The following DST variants were observed in gnomAD, a reference collection of about 807,000 sequenced individuals.
The protein encoded by DST is dystonin.
In DST, 253 loss-of-function variants were observed where a neutral mutation model predicts 875.2. The ratio of observed to expected loss-of-function variants is 0.29; its 90% confidence interval spans 0.26 to 0.32. The LOEUF is 0.32. DST is among the 10% of genes least tolerant of loss of function. DST has a pLI of 1.00. For synonymous variants in DST, 3,124 were observed against 3,197.1 expected (o/e 0.98, Z 0.77); for missense variants, 8,287 against 9,111.6 (o/e 0.91, Z 3.68).
rs368721444 is a variant in DST, at chr6:56,504,892, G to C, written c.19465-794C>G. 8.6e-5 allele frequency among the ~76,000 whole-genome samples: 13 copies of C among 152,012 alleles called. No individual in the cohort carries two copies. The East Asian group carries it at 2.3e-3, about 27-fold the overall frequency. Reference sequence around the variant, plus strand: ...AAAAGAAAAAAAAATTGTAGATGGGGTACTTCAGCTCTTGTTTTGACAGGA... The same window carrying C: ...AAAAGAAAAAAAAATTGTAGATGGGCTACTTCAGCTCTTGTTTTGACAGGA... On this transcript the variant is annotated intron_variant, in intron 77 of 103. Coordinates refer to ENST00000680361, the MANE Select transcript of DST (RefSeq NM_001374736.1).
chr6:56,554,086 T>C (rs1159262610), intron 60 of DST, among the ~76,000 whole-genome samples: 2 of 132,402 alleles, frequency 1.5e-5, no homozygotes, highest in Non-Finnish European at 3.2e-5. Context: ...TTTTTTTTTT[T>C]TTTTTTTTTT....
intron 38 of DST, 75 bp downstream of exon 38, chr6:56,611,433 C>T: frequency 2.1e-6 from 2 of 966,828 alleles, no homozygotes; most frequent in Non-Finnish European, 3.3e-6. Flanking sequence ...TTAAAATTTA[C>T]CACCTCTGTT....
At chr6:56,462,984 T>A in intron 102 of DST, 62 bp downstream of exon 102, 1 of 912,700 alleles carries the variant, frequency 1.1e-6, no homozygotes, top group South Asian at 1.6e-5. Flanking sequence ...GCAACGATGT[T>A]AGTGAGTGAT....
chr6:56,532,821 C>A (rs746990657), intron 63 of DST, among the ~76,000 whole-genome samples: 23 of 152,196 alleles, frequency 1.5e-4, no homozygotes, highest in Non-Finnish European at 2.9e-4. Context: ...TCCAATGAAT[C>A]ATGAAAAAAG....
In DST at chr6:56,606,121, T is replaced by C. The variant is rs755521830; in HGVS notation, c.8507A>G (p.Asp2836Gly). Residue 2836 changes from aspartate to glycine, a missense_variant, in exon 40 of 104, where the codon GAT becomes GGT. Physicochemically the swap from Asp to Gly is moderately conservative, Grantham distance 94. Transcript: ENST00000680361. ...TAAAATAGAGGCACACAACTGGATA[T>C]CCATATCTTCAGCCACATTTTGGCA... ...PRCQNVAEDM[D>G]IQLCASILNE... The C allele has an allele frequency of 6.2e-7, 1 of 1,612,896 alleles. No individual in the cohort carries two copies. Among genetic ancestry groups the C allele is most frequent in the South Asian group, 1.1e-5 (1 of 91,032 alleles).
chr6:56,570,720 T>G (rs1267684974), intron 53 of DST, among the ~76,000 whole-genome samples: 3 of 152,148 alleles, frequency 2.0e-5, no homozygotes, highest in Non-Finnish European at 2.9e-5. Context: ...TCAGGCAAGG[T>G]TCATTGATAA....
Position 56,554,070 on chromosome 6 carries a change from T to C in DST, c.15137-415A>G, listed in dbSNP as rs547456701. Among the ~76,000 whole-genome samples the C allele has an allele frequency of 1.6e-3, 241 of 146,492 alleles. 2 individuals carry two copies. The highest frequency in any genetic ancestry group is 5.6e-3 in the African/African-American group (221 of 39,408). ...ATTAAATATGACTTTTTCGCGTCTA[T>C]GACTTTTTTTTTTTTTTTTTTTTTT... On this transcript the variant is annotated intron_variant, in intron 60 of 103. Transcript: ENST00000680361.
intron 3 of DST, among the ~76,000 whole-genome samples, chr6:56,894,388 G>T: frequency 1.1e-5 from 1 of 93,612 alleles, no homozygotes; most frequent in South Asian, 2.9e-4. Flanking sequence ...GGACGGGGCG[G>T]CTGGCCGGGC....
intron 3 of DST, among the ~76,000 whole-genome samples, chr6:56,894,053 C>T (rs1224992117): frequency 8.7e-5 from 2 of 23,000 alleles, no homozygotes; most frequent in East Asian, 8.2e-4. Context: ...CCACCCTTCC[C>T]GCCTTTCTAT....
intron 2 of DST, among the ~76,000 whole-genome samples, chr6:56,942,212 C>T (rs969281846): frequency 2.0e-5 from 3 of 152,102 alleles, no homozygotes; most frequent in Admixed American, 6.6e-5. Context: ...TGTCTTTATA[C>T]TTAAAGTGAA....
At chr6:56,477,792 T>C (rs2095259321) in intron 90 of DST, among the ~76,000 whole-genome samples, 1 of 152,210 alleles carries the variant, frequency 6.6e-6, no homozygotes, top group Non-Finnish European at 1.5e-5. Flanking sequence ...GATGTAGTAT[T>C]TGCATATGAC....
At chr6:56,488,277 G>A (rs2095628755) in intron 86 of DST, among the ~76,000 whole-genome samples, 1 of 152,142 alleles carries the variant, frequency 6.6e-6, no homozygotes, top group African/African-American at 2.4e-5. Flanking sequence ...CTTTAAAAAG[G>A]TAGATATTCT....
chr6:56,582,817 T>C (rs2098044453), intron 49 of DST, among the ~76,000 whole-genome samples: 1 of 152,034 alleles, frequency 6.6e-6, no homozygotes, highest in Non-Finnish European at 1.5e-5. Context: ...CATTGTTCAA[T>C]TCCCACCTAT....
intron 31 of DST, among the ~76,000 whole-genome samples, chr6:56,629,809 G>A (rs922675982): frequency 6.6e-6 from 1 of 152,132 alleles, no homozygotes; most frequent in African/African-American, 2.4e-5. Context: ...AAAAATCACT[G>A]AGATAACTTT....
At chr6:56,763,102 G>A (rs568643476) in intron 4 of DST, among the ~76,000 whole-genome samples, 7 of 151,768 alleles carry the variant, frequency 4.6e-5, no homozygotes, top group African/African-American at 9.7e-5. Flanking sequence ...TGCCCATCTC[G>A]GCCTCCCAAA....
At chr6:56,769,467 G>A (rs913517766) in intron 4 of DST, among the ~76,000 whole-genome samples, 8 of 152,072 alleles carry the variant, frequency 5.3e-5, no homozygotes, top group Non-Finnish European at 1.0e-4. Context: ...GGAAGGATGC[G>A]GGAACTCTGT....
intron 4 of DST, among the ~76,000 whole-genome samples, chr6:56,833,462 C>T (rs2099789806): frequency 6.6e-6 from 1 of 152,162 alleles, no homozygotes; most frequent in African/African-American, 2.4e-5. Flanking sequence ...ATTCAATATC[C>T]TAAGAGTTTT....
chr6:56,496,562 T>C (rs2095912407), intron 82 of DST, among the ~76,000 whole-genome samples: 1 of 152,126 alleles, frequency 6.6e-6, no homozygotes, highest in Admixed American at 6.5e-5. Flanking sequence ...TAATTTTAAG[T>C]CATTCTGATT....
At chr6:56,882,795 GA>G (rs1782825819) in intron 3 of DST, among the ~76,000 whole-genome samples, 1 of 152,134 alleles carries the variant, frequency 6.6e-6, no homozygotes, top group Non-Finnish European at 1.5e-5. Context: ...TATTTACTAA[GA>G]AAAAATTGTT....
Sources: allele counts gnomAD v4.1 joint callset (sites outside exome capture counted in the v4.1 genomes callset), GRCh38; gene constraint gnomAD v4.1.1; transcripts MANE v1.5; gene names NCBI Gene and HGNC (gene_info 2026-07-23, HGNC 2026-07-21).